HMCN2: variants seen among roughly 807,000 people sequenced by gnomAD.
HMCN2 encodes hemicentin-2.
Under a neutral mutation model 377.5 loss-of-function variants are expected in HMCN2, and 325 were observed. The observed-to-expected ratio is 0.86, with a 90% CI of 0.79 to 0.94. HMCN2 has a LOEUF of 0.94. Ranked by LOEUF, HMCN2 falls within the 40% of genes least tolerant of loss-of-function variation. HMCN2 has a pLI of 0.00. For missense variants in HMCN2, 4,543 were observed against 4,725.3 expected, an observed-to-expected ratio of 0.96 and a Z score of 1.13; for synonymous variants, 2,007 against 2,046.8, an observed-to-expected ratio of 0.98 and a Z score of 0.53.
chr9:130,398,800 G>A, intron 75 of HMCN2, 93 bp downstream of exon 75: 1 of 1,097,374 alleles, frequency 9.1e-7, no homozygotes, highest in Non-Finnish European at 1.2e-6. Context: ...ACGGGGCGGG[G>A]TGTGCTCAGG....
Position 130,368,448 on chromosome 9 carries a change from TGGGCG to T in HMCN2, c.6787+15_6787+19del, listed in dbSNP as rs1257293568. ...AGCTGGAGGTGCACGGTGGGTGAGC[TGGGCG>T]GGGGCTGGAAGGGTCTGGGATCATG... On this transcript the variant is annotated intron_variant, in intron 44 of 97. Coordinates refer to ENST00000683500, the MANE Select transcript of HMCN2 (RefSeq NM_001291815.2). 1.0e-6 allele frequency: 1 copy of T among 985,810 alleles called. No individual in the cohort carries two copies. Among genetic ancestry groups the T allele is most frequent in the Non-Finnish European group, 1.2e-6 (1 of 830,136 alleles). 61.1% of individuals were successfully genotyped at this position (985,810 alleles called of 1,614,324 possible).
At chr9:130,307,896 C>G (rs556097544) in intron 14 of HMCN2, among the ~76,000 whole-genome samples, 1 of 152,170 alleles carries the variant, frequency 6.6e-6, no homozygotes, top group East Asian at 1.9e-4. Context: ...AGGTTGGTTG[C>G]GTGAAGATTA....
At chr9:130,424,741 GC>G in intron 87 of HMCN2, 34 bp from the exon 88 acceptor site, 1 of 1,505,104 alleles carries the variant, frequency 6.6e-7, no homozygotes, top group Non-Finnish European at 8.9e-7. Flanking sequence ...CTGAGGATCA[GC>G]TCTAACCCGG....
intron 29 of HMCN2, among the ~76,000 whole-genome samples, chr9:130,350,792 G>T (rs1839671513): frequency 6.6e-6 from 1 of 151,374 alleles, no homozygotes; most frequent in African/African-American, 2.4e-5. Context: ...TGTAGTCTCC[G>T]CTACTTGGGA....
At chr9:130,280,423 C>T (rs1171845503) in intron 1 of HMCN2, among the ~76,000 whole-genome samples, 6 of 151,546 alleles carry the variant, frequency 4.0e-5, no homozygotes, top group Admixed American at 1.3e-4. Context: ...CCTCCCGCCT[C>T]GGCCTCCCAA....
chr9:130,277,960 A>G, intron 1 of HMCN2, among the ~76,000 whole-genome samples: 1 of 117,650 alleles, frequency 8.5e-6, no homozygotes, highest in Non-Finnish European at 1.7e-5. Context: ...CATCACCACC[A>G]CCACCACCAT....
rs1837015278 is a variant in HMCN2 at position 130,308,384 on chromosome 9, A to C, written c.2200+818A>C. Among the ~76,000 whole-genome samples, 1 of 152,206 alleles carries C rather than the reference A, an allele frequency of 6.6e-6. No individual in the cohort carries two copies. On this transcript the variant is annotated intron_variant, in intron 14 of 97. Transcript: ENST00000683500. This position sits in a 1 kb window ranked among gnomAD's most constrained non-coding sequence, Gnocchi z 4.1. ...ATGACAGGGTTGTCCTGAGGCCCTGAGGTCATGGGCAGAGCGTTTTCACGG... is the reference window on the plus strand; with the variant it reads ...ATGACAGGGTTGTCCTGAGGCCCTGCGGTCATGGGCAGAGCGTTTTCACGG...
At chr9:130,433,215 G>C (rs1844867404) in intron 97 of HMCN2, 133 bp from the exon 98 acceptor site, 1 of 647,308 alleles carries the variant, frequency 1.5e-6, no homozygotes, top group Non-Finnish European at 2.4e-6. Context: ...GGCGTGTGGG[G>C]CTCTGCGGGA....
intron 1 of HMCN2, among the ~76,000 whole-genome samples, chr9:130,280,454 G>A (rs1482369887): frequency 1.3e-5 from 2 of 151,816 alleles, no homozygotes; most frequent in African/African-American, 4.8e-5. Flanking sequence ...TTACAGGCGT[G>A]AGCCACCGCG....
In HMCN2 at chr9:130,422,779, G is replaced by A. The variant is rs1478808141; in HGVS notation, c.13381+53G>A. 2.4e-6 allele frequency: 3 copies of A among 1,243,554 alleles called. No homozygotes were observed. The highest frequency in any genetic ancestry group is 3.2e-5 in the East Asian group (1 of 31,710). 77.0% of individuals were successfully genotyped at this position (1,243,554 alleles called of 1,614,324 possible). On this transcript the variant is annotated intron_variant, in intron 87 of 97. Transcript: ENST00000683500. This position sits in a 1 kb window ranked among gnomAD's most constrained non-coding sequence, Gnocchi z 4.2. The stretch of plus-strand genomic sequence containing the variant: ...CTCTGGGTTATTGTCACAGCCCAGC[G>A]AGCATCCTCCAGAACATGCTGGACC...
chr9:130,394,957 A>G lies in HMCN2; in HGVS notation c.10693-70A>G. 2 of 1,060,904 alleles carry G rather than the reference A, an allele frequency of 1.9e-6. No individual in the cohort carries two copies. Among genetic ancestry groups the G allele is most frequent in the Non-Finnish European group, 2.5e-6 (2 of 801,420 alleles). 65.7% of individuals were successfully genotyped at this position (1,060,904 alleles called of 1,614,324 possible). A position where few individuals can be genotyped will look rare whatever the true frequency, so the allele number is the denominator to read the frequency against. On this transcript the variant is annotated intron_variant, in intron 69 of 97. Transcript: ENST00000683500. The surrounding 1 kb of genome is among the most constrained non-coding windows in gnomAD (Gnocchi z 5.1). Reference sequence around the variant, plus strand: ...TGAATCCTGGGTCCCTCGATGCATGAGAAAGAAACCAGATTGGGAGGCGGG... The same window carrying G: ...TGAATCCTGGGTCCCTCGATGCATGGGAAAGAAACCAGATTGGGAGGCGGG...
chr9:130,294,145 G>T (rs1468144671), intron 4 of HMCN2, among the ~76,000 whole-genome samples: 4 of 152,146 alleles, frequency 2.6e-5, no homozygotes, highest in Non-Finnish European at 5.9e-5. Context: ...GTGGTAGGGG[G>T]AGTATCTCTG....
rs1476986919 is a variant in HMCN2, at chr9:130,429,623, G to A, written c.14264G>A (p.Gly4755Asp). 1 of 1,549,870 alleles carries A rather than the reference G, an allele frequency of 6.5e-7. No homozygotes were observed. Among genetic ancestry groups the A allele is most frequent in the Non-Finnish European group, 8.7e-7 (1 of 1,146,720 alleles). The part of the protein sequence containing the change: ...HYNQLCENTP[G>D]GHRCSCPRGY... ...AACCAGCTCTGCGAGAACACCCCAG[G>A]CGGTCACCGCTGCAGCTGCCCCAGG... Residue 4755 changes from glycine (G) to aspartate (D), a missense_variant, in exon 94 of 98, where the codon GGC (glycine) becomes GAC (aspartate). Gly to Asp is a moderately conservative substitution (Grantham distance 94). Transcript: ENST00000683500.
intron 22 of HMCN2, among the ~76,000 whole-genome samples, chr9:130,330,544 C>T (rs1052679966): frequency 5.9e-5 from 9 of 152,092 alleles, no homozygotes; most frequent in Admixed American, 3.9e-4. Context: ...CATAGACGCA[C>T]GCACAGGGAC....
rs1251461248 is a variant in HMCN2 at position 130,354,911 on chromosome 9, C to T, written c.5013C>T (p.Asn1671=). ...AGGGGCTGCCCGTGGCAGAGAGCAA[C>T]GAGTCGCGGCTGGAGACAGACGGGA... ...HHEGLPVAES[N]ESRLETDGSV... Residue 1671 remains asparagine (N), a synonymous_variant, in exon 32 of 98, where the codon AAC becomes AAT. Coordinates refer to ENST00000683500, the MANE Select transcript of HMCN2 (RefSeq NM_001291815.2). The T allele has an allele frequency of 5.4e-6, 7 of 1,304,018 alleles. No homozygotes were observed. Among genetic ancestry groups the T allele is most frequent in the East Asian group, 5.5e-5 (1 of 18,034 alleles). 80.8% of individuals were successfully genotyped at this position (1,304,018 alleles called of 1,614,324 possible).
At position 130,351,438 on chromosome 9, in the gene HMCN2, A is replaced by G; in HGVS notation, c.4446A>G (p.Gly1482=). The change falls in exon 30 of 98, where the codon GGA becomes GGG. Residue 1482 remains glycine, a synonymous_variant. Transcript: ENST00000683500. The surrounding 1 kb of genome is among the most constrained non-coding windows in gnomAD (Gnocchi z 5.4). The part of the protein sequence containing the change: ...WTKDRQPVLP[G]GPHLQVQEDG... ...GTCTCTCCAGGCCTGTCCTTCCGGG[A>G]GGCCCTCACCTGCAGGTCCAGGAGG... The G allele has an allele frequency of 7.7e-7, 1 of 1,303,824 alleles. No individual in the cohort carries two copies. The highest frequency in any genetic ancestry group is 1.0e-6 in the Non-Finnish European group (1 of 988,788). The allele number at this position is 1,303,824 out of a possible 1,614,324, so 80.8% of individuals were successfully genotyped here.
chr9:130,300,591 T>C (rs1212384375), intron 8 of HMCN2, among the ~76,000 whole-genome samples: 1 of 152,222 alleles, frequency 6.6e-6, no homozygotes, highest in African/African-American at 2.4e-5. Context: ...CCCAAGCTAA[T>C]GCACACAACA....
intron 1 of HMCN2, among the ~76,000 whole-genome samples, chr9:130,277,811 CCATCATCATCATCACCACCACCAT>C (rs1834805712): frequency 2.8e-5 from 2 of 72,630 alleles, no homozygotes; most frequent in Non-Finnish European, 5.6e-5. Flanking sequence ...ACCACCACCA[CCATCATCATCATCACCACCACCAT>C]CATCATCATC....
At chr9:130,288,860 A>G (rs1105797) in intron 4 of HMCN2, among the ~76,000 whole-genome samples, 94,953 of 152,158 alleles carry the variant, frequency 0.62, 30,839 homozygotes, top group East Asian at 0.86. Context: ...TCTCCCTGGT[A>G]GGGGAAATTT....
Sources: allele counts gnomAD v4.1 joint callset (sites outside exome capture counted in the v4.1 genomes callset), GRCh38; gene constraint gnomAD v4.1.1; non-coding constraint Gnocchi (gnomAD v3.1); transcripts MANE v1.5; gene names NCBI Gene and HGNC (gene_info 2026-07-23, HGNC 2026-07-21).